The following SUPT3H variants were observed in gnomAD, a reference collection of about 807,000 sequenced individuals.
SUPT3H encodes SPT3 homolog, SAGA and STAGA complex component, also known as transcription initiation protein SPT3 homolog.
A neutral mutation model predicts 44.3 loss-of-function variants in SUPT3H; 44 were observed. The observed-to-expected ratio is 0.99, with a 90% CI of 0.78 to 1.28. The LOEUF is 1.28. Ranked by LOEUF, SUPT3H falls within the 50% of genes most tolerant of loss-of-function variation. The pLI is 0.00. For synonymous variants in SUPT3H, 124 were observed against 125.6 expected (o/e 0.99, Z 0.09); for missense variants, 380 against 387.1 (o/e 0.98, Z 0.15).
At chr6:45,113,173 A>G (rs766269935) in intron 2 of SUPT3H, among the ~76,000 whole-genome samples, 2 of 152,030 alleles carry the variant, frequency 1.3e-5, no homozygotes, top group African/African-American at 2.4e-5. Context: ...TATAATACCC[A>G]AGAATTTCTC....
chr6:45,008,563 C>T (rs936843401), intron 5 of SUPT3H, among the ~76,000 whole-genome samples: 10 of 151,960 alleles, frequency 6.6e-5, no homozygotes, highest in Non-Finnish European at 1.2e-4. Context: ...CTTTGTTGCC[C>T]AGGCTGGTTT....
chr6:44,919,986 C>A (rs1768413978), intron 10 of SUPT3H, among the ~76,000 whole-genome samples: 1 of 152,132 alleles, frequency 6.6e-6, no homozygotes, highest in Non-Finnish European at 1.5e-5. Flanking sequence ...TCAGGCGATT[C>A]TCCTGCCTCA....
intron 2 of SUPT3H, among the ~76,000 whole-genome samples, chr6:45,267,709 T>C (rs931239600): frequency 1.3e-5 from 2 of 152,104 alleles, no homozygotes; most frequent in Admixed American, 6.6e-5. Flanking sequence ...AATTGGCCAA[T>C]GATAAATAGG....
intron 3 of SUPT3H, among the ~76,000 whole-genome samples, chr6:45,058,312 G>A (rs1013744052): frequency 2.0e-5 from 3 of 152,004 alleles, no homozygotes; most frequent in African/African-American, 7.2e-5. Flanking sequence ...TATAGTCAAG[G>A]TTTTGTACCT....
At chr6:45,334,527 T>C (rs1011930876) in intron 2 of SUPT3H, among the ~76,000 whole-genome samples, 3 of 147,850 alleles carry the variant, frequency 2.0e-5, no homozygotes, top group Admixed American at 6.8e-5. Context: ...TTTGAATACA[T>C]ATATATGCAG....
At chr6:45,343,267 T>A (rs1790192312) in intron 2 of SUPT3H, among the ~76,000 whole-genome samples, 1 of 152,116 alleles carries the variant, frequency 6.6e-6, no homozygotes, top group African/African-American at 2.4e-5. Context: ...CCCAGCACTT[T>A]GGGAGGCCGA....
At chr6:45,376,516 C>G (rs1796794550) in intron 1 of SUPT3H, among the ~76,000 whole-genome samples, 1 of 152,216 alleles carries the variant, frequency 6.6e-6, no homozygotes. Context: ...TGTGCCTAGG[C>G]TACCACTAGT....
At chr6:44,992,210 A>ACC (rs1780703347) in intron 6 of SUPT3H, among the ~76,000 whole-genome samples, 1 of 152,234 alleles carries the variant, frequency 6.6e-6, no homozygotes, top group African/African-American at 2.4e-5. Context: ...TATTTTTTAA[A>ACC]AGAGAAGGAT....
At chr6:45,245,210 A>G (rs1420640225) in intron 2 of SUPT3H, among the ~76,000 whole-genome samples, 1 of 152,142 alleles carries the variant, frequency 6.6e-6, no homozygotes, top group Non-Finnish European at 1.5e-5. Context: ...GTCCCTAAAT[A>G]ATACCATTAC....
intron 2 of SUPT3H, among the ~76,000 whole-genome samples, chr6:45,290,118 T>G (rs926052409): frequency 6.6e-6 from 1 of 152,056 alleles, no homozygotes; most frequent in African/African-American, 2.4e-5. Context: ...AGTTCAAGAC[T>G]GCAGTAAGCC....
At position 45,086,561 on chromosome 6, in the gene SUPT3H, G is replaced by A. The variant is rs114881655; in HGVS notation, c.186+19361C>T. 6.3e-3 allele frequency among the ~76,000 whole-genome samples: 954 copies of A among 152,032 alleles called. 14 individuals are homozygous for A. Among genetic ancestry groups the A allele is most frequent in the African/African-American group, 0.02 (832 of 41,520 alleles). On this transcript the variant is annotated intron_variant, in intron 3 of 10. Transcript: ENST00000371459. ...TAAACTAAATCAGCCACTTAGACAC[G>A]TAGCTTGAAGTACTTATGTACATAA...
chr6:45,137,825 AACTTATAAAGC>A (rs1225161366), intron 2 of SUPT3H, among the ~76,000 whole-genome samples: 16 of 152,134 alleles, frequency 1.1e-4, no homozygotes, highest in African/African-American at 2.2e-4. Flanking sequence ...CTAAACACCC[AACTTATAAAGC>A]ACCTGCAATA....
At chr6:45,094,160 TGA>T (rs1797493993) in intron 3 of SUPT3H, among the ~76,000 whole-genome samples, 1 of 152,102 alleles carries the variant, frequency 6.6e-6, no homozygotes, top group African/African-American at 2.4e-5. Context: ...TAAGCATTTA[TGA>T]GAAATTTTAG....
chr6:44,994,080 T>A (rs1780953966), intron 6 of SUPT3H, among the ~76,000 whole-genome samples: 1 of 152,026 alleles, frequency 6.6e-6, no homozygotes, highest in East Asian at 1.9e-4. Flanking sequence ...TAAAAACAAA[T>A]ATAGTAATAA....
At chr6:44,860,084 A>T (rs1432883321) in intron 10 of SUPT3H, among the ~76,000 whole-genome samples, 1 of 152,154 alleles carries the variant, frequency 6.6e-6, no homozygotes, top group Non-Finnish European at 1.5e-5. Context: ...CTTCATAAAC[A>T]CTCTTAATAA....
At chr6:45,209,707 T>C (rs920506981) in intron 2 of SUPT3H, among the ~76,000 whole-genome samples, 1 of 152,238 alleles carries the variant, frequency 6.6e-6, no homozygotes, top group Non-Finnish European at 1.5e-5. Context: ...TAAACATAGT[T>C]GCTAAAGCAG....
intron 3 of SUPT3H, among the ~76,000 whole-genome samples, chr6:45,023,846 C>A (rs1785531923): frequency 6.6e-6 from 1 of 152,084 alleles, no homozygotes; most frequent in African/African-American, 2.4e-5. Context: ...GTATAACAAA[C>A]CCCAGTGACA....
At chr6:45,034,280 A>T (rs987784019) in intron 3 of SUPT3H, among the ~76,000 whole-genome samples, 7 of 152,092 alleles carry the variant, frequency 4.6e-5, no homozygotes, top group Admixed American at 2.6e-4. Context: ...AACCCTGTAC[A>T]TTCATCCCAC....
At chr6:45,142,488 G>C (rs573488599) in intron 2 of SUPT3H, among the ~76,000 whole-genome samples, 1 of 151,966 alleles carries the variant, frequency 6.6e-6, no homozygotes, top group Non-Finnish European at 1.5e-5. Flanking sequence ...TGTAATTCCA[G>C]CACTTTGGGA....
Sources: allele counts gnomAD v4.1 joint callset (sites outside exome capture counted in the v4.1 genomes callset), GRCh38; gene constraint gnomAD v4.1.1; transcripts MANE v1.5; gene names NCBI Gene and HGNC (gene_info 2026-07-23, HGNC 2026-07-21).